The following BABAM2 variants were observed in gnomAD, a reference collection of about 807,000 sequenced individuals.
BABAM2 encodes BRISC and BRCA1 A complex member 2.
In BABAM2, 31 loss-of-function variants were observed where a neutral mutation model predicts 54.7. That is an observed-to-expected ratio of 0.57 (90% CI 0.43 to 0.77). The LOEUF (loss-of-function observed/expected upper bound fraction) is 0.77. BABAM2 is among the 30% of genes least tolerant of loss of function. The probability of loss-of-function intolerance (pLI) is 0.00; values close to 1 mark genes in which losing one functional copy is unlikely to be tolerated. For synonymous variants in BABAM2, 167 were observed against 162.9 expected, an observed-to-expected ratio of 1.03 and a Z score of -0.19; for missense variants, 364 against 455.8, an observed-to-expected ratio of 0.80 and a Z score of 1.83.
At chr2:28,084,126 A>G (rs1573545389) in intron 6 of BABAM2, among the ~76,000 whole-genome samples, 1 of 152,262 alleles carries the variant, frequency 6.6e-6, no homozygotes, top group East Asian at 1.9e-4. Flanking sequence ...CCTGTTGTAC[A>G]CATGGATGAT....
At chr2:28,061,584 CAAAAAAAAAAA>C (rs397871191) in intron 6 of BABAM2, among the ~76,000 whole-genome samples, 2 of 54,086 alleles carry the variant, frequency 3.7e-5, no homozygotes, top group East Asian at 1.3e-3. Context: ...GACTCTGTCT[CAAAAAAAAAAA>C]AAAAAAAAGA....
chr2:27,907,181 C>T (rs1666241800), intron 2 of BABAM2, among the ~76,000 whole-genome samples: 1 of 151,916 alleles, frequency 6.6e-6, no homozygotes, highest in East Asian at 1.9e-4. Flanking sequence ...ATTTGGTTAT[C>T]TTTCTAATGG....
chr2:28,108,159 CAT>C (rs1006816300), intron 6 of BABAM2, among the ~76,000 whole-genome samples: 2 of 151,394 alleles, frequency 1.3e-5, no homozygotes, highest in African/African-American at 2.4e-5. Flanking sequence ...CAGGTTTTCA[CAT>C]ATATATATAT....
chr2:28,026,941 TATATATTAATATATATAA>T (rs1457952482), intron 5 of BABAM2, among the ~76,000 whole-genome samples: 306 of 5,792 alleles, frequency 0.053, 13 homozygotes, highest in South Asian at 0.41. Context: ...TATATATAAA[TATATATTAATATATATAA>T]ATATATATAT....
At chr2:28,070,873 T>G (rs1445914821) in intron 6 of BABAM2, among the ~76,000 whole-genome samples, 1 of 152,168 alleles carries the variant, frequency 6.6e-6, no homozygotes, top group East Asian at 1.9e-4. Context: ...ACTTTAGTTT[T>G]TATATACCTT....
chr2:27,993,672 TC>T (rs1001261406), intron 4 of BABAM2, among the ~76,000 whole-genome samples: 1 of 152,158 alleles, frequency 6.6e-6, no homozygotes, highest in Non-Finnish European at 1.5e-5. Context: ...CTATCTGACT[TC>T]CCGGTTTGAG....
rs1491152158 is a variant in BABAM2 at position 28,026,947 on chromosome 2, T to TA, written c.495+1527_495+1528insA. On this transcript the variant is annotated intron_variant, in intron 5 of 11. Coordinates refer to ENST00000379624, the MANE Select transcript of BABAM2 (RefSeq NM_199191.3). ...ATATAAATATATATATAAATATATATTAATATATATAAATATATATATAAA... is the reference window on the plus strand; with the variant it reads ...ATATAAATATATATATAAATATATATATAATATATATAAATATATATATAAA... 6.4e-3 allele frequency among the ~76,000 whole-genome samples: 29 copies of TA among 4,520 alleles called. 1 individual carries two copies. The highest frequency in any genetic ancestry group is 0.023 in the Non-Finnish European group (11 of 480). 3.0% of individuals were successfully genotyped at this position (4,520 alleles called of 152,430 possible).
At chr2:28,267,438 TAC>T (rs35450423) in intron 10 of BABAM2, among the ~76,000 whole-genome samples, 17,211 of 141,020 alleles carry the variant, frequency 0.12, 1,034 homozygotes, top group Middle Eastern at 0.17. Flanking sequence ...CACACACACA[TAC>T]ACACACACAC....
intron 3 of BABAM2, among the ~76,000 whole-genome samples, chr2:27,972,141 A>G (rs561051962): frequency 8.3e-4 from 126 of 152,324 alleles, no homozygotes; most frequent in African/African-American, 3.0e-3. Flanking sequence ...TCTGATACAC[A>G]TAAGAATCAC....
intron 2 of BABAM2, among the ~76,000 whole-genome samples, chr2:27,911,712 T>C (rs1326077568): frequency 5.3e-5 from 8 of 152,132 alleles, no homozygotes; most frequent in Non-Finnish European, 2.9e-5. Context: ...CATCCATTTC[T>C]CTCTCTCAGT....
chr2:27,926,351 G>A (rs903953670), intron 2 of BABAM2, among the ~76,000 whole-genome samples: 4 of 151,866 alleles, frequency 2.6e-5, no homozygotes, highest in African/African-American at 7.3e-5. Flanking sequence ...TGCTCCAGCC[G>A]CATTGCCCAG....
At chr2:28,050,364 T>C (rs1450548571) in intron 6 of BABAM2, among the ~76,000 whole-genome samples, 1 of 152,192 alleles carries the variant, frequency 6.6e-6, no homozygotes, top group African/African-American at 2.4e-5. Flanking sequence ...GGCAGAAGGC[T>C]TTTCTTCACT....
intron 10 of BABAM2, among the ~76,000 whole-genome samples, chr2:28,282,507 A>G (rs10204890): frequency 0.012 from 1,903 of 152,248 alleles, 47 homozygotes; most frequent in African/African-American, 0.043. Context: ...TAGCACTTGT[A>G]GATACAGCAT....
chr2:28,095,590 A>G (rs1666544596), intron 6 of BABAM2, among the ~76,000 whole-genome samples: 1 of 152,230 alleles, frequency 6.6e-6, no homozygotes, highest in Admixed American at 6.5e-5. Flanking sequence ...AAACAAAAAC[A>G]TACCAGCCAG....
intron 8 of BABAM2, among the ~76,000 whole-genome samples, chr2:28,240,621 G>A (rs1022552278): frequency 7.9e-5 from 12 of 152,050 alleles, no homozygotes; most frequent in Non-Finnish European, 1.8e-4. Flanking sequence ...TGTAATCCTA[G>A]GACTTTGGGA....
Position 28,129,270 on chromosome 2 carries a change from G to A in BABAM2, c.571-1G>A. The A allele has an allele frequency of 6.2e-7, 1 of 1,612,002 alleles. No individual in the cohort carries two copies. Among genetic ancestry groups the A allele is most frequent in the Non-Finnish European group, 8.5e-7 (1 of 1,178,100 alleles). The stretch of plus-strand genomic sequence containing the variant: ...TGTTGTGTTTTCACTTCTTGTTTAA[G>A]GATGTAAATGAAGACCCTGGAGAAG... On this transcript the variant is annotated splice_acceptor_variant, in intron 6 of 11. Transcript: ENST00000379624. LOFTEE classifies it high-confidence loss of function.
chr2:27,976,559 C>A (rs893899637), intron 3 of BABAM2, among the ~76,000 whole-genome samples: 1 of 152,024 alleles, frequency 6.6e-6, no homozygotes, highest in Non-Finnish European at 1.5e-5. Flanking sequence ...AAGGAATGGT[C>A]GGAATATTTA....
intron 7 of BABAM2, among the ~76,000 whole-genome samples, chr2:28,141,164 G>A (rs1367897193): frequency 1.3e-5 from 2 of 152,042 alleles, no homozygotes; most frequent in East Asian, 3.9e-4. Context: ...GGATTTTGGG[G>A]GCATAAATAT....
At chr2:28,221,904 C>T (rs1355189577) in intron 7 of BABAM2, among the ~76,000 whole-genome samples, 1 of 152,170 alleles carries the variant, frequency 6.6e-6, no homozygotes, top group Non-Finnish European at 1.5e-5. Context: ...TGGGAGCGAA[C>T]TTAAGGGCTC....
Sources: allele counts gnomAD v4.1 joint callset (sites outside exome capture counted in the v4.1 genomes callset), GRCh38; gene constraint gnomAD v4.1.1; transcripts MANE v1.5; gene names NCBI Gene and HGNC (gene_info 2026-07-23, HGNC 2026-07-21).